Variants in TLE2 observed in about 807,000 individuals in gnomAD.
TLE2 encodes transducin-like enhancer protein 2.
Under a neutral mutation model 97.2 loss-of-function variants are expected in TLE2, and 74 were observed. The observed-to-expected ratio is 0.76, with a 90% CI of 0.63 to 0.92. TLE2 has a LOEUF of 0.92. Ranked by LOEUF, TLE2 falls within the 40% of genes least tolerant of loss-of-function variation. The probability of loss-of-function intolerance (pLI) is 0.00; values close to 1 mark genes in which losing one functional copy is unlikely to be tolerated. For synonymous variants in TLE2, 499 were observed against 432.1 expected, an observed-to-expected ratio of 1.15 and a Z score of -1.92; for missense variants, 1,038 against 1,008.7, an observed-to-expected ratio of 1.03 and a Z score of -0.39.
rs978489356 is a variant in TLE2 at position 3,015,765 on chromosome 19, G to A, written c.571-5C>T. On this transcript the variant is annotated splice_region_variant and splice_polypyrimidine_tract_variant and intron_variant, in intron 8 of 19. Transcript: ENST00000262953. ...AGGGGGCGAGGGAGATGCACTCTGC[G>A]GAGAGACAAAGGCCGGGGGGAGAAA... The A allele has an allele frequency of 1.0e-4, 162 of 1,600,436 alleles. No homozygotes were observed. Among genetic ancestry groups the A allele is most frequent in the South Asian group, 9.1e-4 (81 of 89,056 alleles).
At chr19:3,030,205 T>C (rs2090012009), upstream of TLE2, among the ~76,000 whole-genome samples, 1 of 152,218 alleles carries the variant, frequency 6.6e-6, no homozygotes. Flanking sequence ...ACCAGTGGAC[T>C]GGGCTGTCTC....
At chr19:3,032,863 C>T (rs1234940312), upstream of TLE2, among the ~76,000 whole-genome samples, 1 of 152,072 alleles carries the variant, frequency 6.6e-6, no homozygotes, top group Non-Finnish European at 1.5e-5. This position sits in a 1 kb window ranked among gnomAD's most constrained non-coding sequence, Gnocchi z 4.1. Context: ...TCTCCCCTGC[C>T]TGGACCTTGA....
At position 3,029,058 on chromosome 19, in the gene TLE2, GGCGCGCCCCCAAGCGC is replaced by G. The variant is rs1281890944; in HGVS notation, c.-170_-155del. Reference sequence around the variant, plus strand: ...CGGGGCAAGGGACCCTGGAGTCCCTGGCGCGCCCCCAAGCGCGCGCGCCCGGGGTCGTGGGAGCCCC... The same window carrying G: ...CGGGGCAAGGGACCCTGGAGTCCCTGGCGCGCCCGGGGTCGTGGGAGCCCC... On this transcript the variant is annotated 5_prime_UTR_variant, in exon 1 of 20. Transcript: ENST00000262953. 25 of 1,360,774 alleles carry G rather than the reference GGCGCGCCCCCAAGCGC, an allele frequency of 1.8e-5. No individual in the cohort carries two copies. Among genetic ancestry groups the G allele is most frequent in the Non-Finnish European group, 2.4e-5 (25 of 1,053,924 alleles). The allele number at this position is 1,360,774 out of a possible 1,614,324, so 84.3% of individuals were successfully genotyped here.
In TLE2 at chr19:3,002,432, G is replaced by A; in HGVS notation, c.1968C>T (p.Ile656=). Reference sequence around the variant, plus strand: ...ATTTCTCCGGCTTGCGGACGTGCAGGATCTCCACGTTGCTACTCTCCATTC... The same window carrying A: ...ATTTCTCCGGCTTGCGGACGTGCAGAATCTCCACGTTGCTACTCTCCATTC... ...AVGMESSNVE[I]LHVRKPEKYQ... Residue 656 remains isoleucine, a synonymous_variant, in exon 18 of 20, where the codon ATC becomes ATT. Transcript: ENST00000262953. 1 of 1,612,900 alleles carries A rather than the reference G, an allele frequency of 6.2e-7. No individual in the cohort carries two copies. The highest frequency in any genetic ancestry group is 1.3e-5 in the African/African-American group (1 of 75,008).
chr19:3,009,731 T>C (rs1411260251), intron 12 of TLE2, 29 bp from the exon 13 acceptor site: 3 of 1,587,454 alleles, frequency 1.9e-6, no homozygotes, highest in Non-Finnish European at 2.6e-6. Flanking sequence ...GGACAGGTTT[T>C]GACGCCCTGG....
chr19:3,018,868 T>C (rs996149152), intron 7 of TLE2, among the ~76,000 whole-genome samples: 7 of 152,166 alleles, frequency 4.6e-5, no homozygotes, highest in African/African-American at 1.7e-4. Context: ...TCCAGCCACC[T>C]CGGCCTCCCA....
intron 5 of TLE2, among the ~76,000 whole-genome samples, chr19:3,023,687 G>A (rs537771015): frequency 6.6e-6 from 1 of 152,062 alleles, no homozygotes; most frequent in South Asian, 2.1e-4. Flanking sequence ...GAGTCCGGGG[G>A]TTCGAGACCA....
chr19:3,023,984 G>A (rs1599238410), intron 5 of TLE2, among the ~76,000 whole-genome samples: 1 of 145,392 alleles, frequency 6.9e-6, no homozygotes, highest in African/African-American at 2.6e-5. Flanking sequence ...GGCACTCTCA[G>A]AAGAGCTAAC....
chr19:3,037,396 A>C (rs563083477), intron 1 of TLE2, among the ~76,000 whole-genome samples: 3 of 152,334 alleles, frequency 2.0e-5, no homozygotes, highest in Admixed American at 2.0e-4. Flanking sequence ...CCTTTAGATT[A>C]CCCTAACCCT....
At chr19:3,012,658 G>T (rs1025483848) in intron 11 of TLE2, among the ~76,000 whole-genome samples, 2 of 152,188 alleles carry the variant, frequency 1.3e-5, no homozygotes, top group Non-Finnish European at 2.9e-5. Flanking sequence ...CACAGAGAGG[G>T]AGGTGTCACC....
At chr19:3,015,561 T>C (rs1440928307) in intron 9 of TLE2, 92 bp downstream of exon 9, 2 of 1,001,194 alleles carry the variant, frequency 2.0e-6, no homozygotes, top group African/African-American at 3.2e-5. Flanking sequence ...GTGAGAGAAT[T>C]ATGGCCAGAG....
chr19:3,002,721 C>G (rs2089391565), intron 17 of TLE2, among the ~76,000 whole-genome samples: 1 of 149,312 alleles, frequency 6.7e-6, no homozygotes, highest in Non-Finnish European at 1.5e-5. Flanking sequence ...TTTTTTGAGA[C>G]AGAGTCTCAC....
intron 1 of TLE2, among the ~76,000 whole-genome samples, chr19:3,034,874 C>A (rs2090050974): frequency 6.6e-6 from 1 of 152,100 alleles, no homozygotes; most frequent in African/African-American, 2.4e-5. Context: ...GGACACGTAC[C>A]CTCCCAGGGT....
chr19:3,003,958 C>T (rs556593107), intron 17 of TLE2, among the ~76,000 whole-genome samples: 4 of 152,244 alleles, frequency 2.6e-5, no homozygotes, highest in African/African-American at 9.6e-5. Flanking sequence ...CCACCCACCT[C>T]GGCCTCCCAA....
At chr19:3,038,713 G>A (rs1411568825) in intron 1 of TLE2, among the ~76,000 whole-genome samples, 1 of 152,188 alleles carries the variant, frequency 6.6e-6, no homozygotes, top group Non-Finnish European at 1.5e-5. Flanking sequence ...TTCGAGACCA[G>A]CCTGGCCAAC....
chr19:3,027,857 T>A lies in TLE2; in HGVS notation c.203A>T (p.Tyr68Phe). 1 of 1,611,538 alleles carries A rather than the reference T, an allele frequency of 6.2e-7. No homozygotes were observed. The highest frequency in any genetic ancestry group is 8.5e-7 in the Non-Finnish European group (1 of 1,179,042). The stretch of plus-strand genomic sequence containing the variant: ...CTTATGCATTTCAATGTTGAGCCCG[T>A]ACGACATCTCATAATACTGCAAAGG... ...RHYVMYYEMS[Y>F]GLNIEMHKQA... The change falls in exon 4 of 20, where the codon TAC (tyrosine) becomes TTC (phenylalanine). Residue 68 changes from tyrosine (Y) to phenylalanine (F), a missense_variant. Transcript: ENST00000262953.
chr19:3,008,153 G>T (rs72988909), intron 14 of TLE2, among the ~76,000 whole-genome samples: 1 of 152,292 alleles, frequency 6.6e-6, no homozygotes, highest in African/African-American at 2.4e-5. Context: ...AGTACTGAAA[G>T]CCACGCCCAG....
At chr19:2,998,982 A>AT (rs1301582723) in intron 19 of TLE2, among the ~76,000 whole-genome samples, 2 of 152,098 alleles carry the variant, frequency 1.3e-5, no homozygotes, top group Non-Finnish European at 2.9e-5. Flanking sequence ...ATATTCTGGG[A>AT]TTTTTTTCTT....
intron 13 of TLE2, 23 bp downstream of exon 13, chr19:3,009,519 T>C (rs758492193): frequency 6.4e-7 from 1 of 1,571,198 alleles, no homozygotes; most frequent in East Asian, 2.3e-5. Flanking sequence ...TGACACCTCC[T>C]GCGCCCCCAC....
Sources: gnomAD v4.1 joint callset for allele counts (sites outside exome capture counted in the v4.1 genomes callset) on GRCh38, gnomAD v4.1.1 for gene constraint, Gnocchi (gnomAD v3.1) non-coding constraint, MANE v1.5 for transcripts, NCBI Gene and HGNC (gene_info 2026-07-23, HGNC 2026-07-21) for gene names.